Variants in MAPK10 observed in about 807,000 individuals in gnomAD.
MAPK10 encodes the protein mitogen-activated protein kinase 10.
A neutral mutation model predicts 59.3 loss-of-function variants in MAPK10; 25 were observed. The observed-to-expected ratio is 0.42, with a 90% CI of 0.31 to 0.59. The LOEUF is 0.59. MAPK10 is among the 20% of genes least tolerant of loss of function. The probability of loss-of-function intolerance (pLI) is 0.15; values close to 1 mark genes in which losing one functional copy is unlikely to be tolerated. For synonymous variants in MAPK10, 190 were observed against 200.5 expected, an observed-to-expected ratio of 0.95 and a Z score of 0.44; for missense variants, 351 against 568.9, an observed-to-expected ratio of 0.62 and a Z score of 3.90.
chr4:86,373,731 T>C (rs1335518829), intron 1 of MAPK10, among the ~76,000 whole-genome samples: 1 of 152,048 alleles, frequency 6.6e-6, no homozygotes, highest in African/African-American at 2.4e-5. Flanking sequence ...GTTAGAATGG[T>C]GATCATGAGA....
At chr4:86,393,464 C>T (rs1197483690) in intron 1 of MAPK10, among the ~76,000 whole-genome samples, 3 of 151,854 alleles carry the variant, frequency 2.0e-5, no homozygotes, top group African/African-American at 7.3e-5. Flanking sequence ...TTCATGTTTA[C>T]TTGTAACTCA....
At chr4:86,552,515 AAGGAAGGAAGG>A (rs1759924492) in intron 1 of MAPK10, among the ~76,000 whole-genome samples, 3 of 108,836 alleles carry the variant, frequency 2.8e-5, no homozygotes, top group African/African-American at 7.1e-5. Flanking sequence ...GGAAGGAAGG[AAGGAAGGAAGG>A]AAGGAAGGAA....
chr4:86,470,295 A>C (rs1156951889), intron 1 of MAPK10, among the ~76,000 whole-genome samples: 1 of 152,176 alleles, frequency 6.6e-6, no homozygotes, highest in Non-Finnish European at 1.5e-5. Flanking sequence ...TGAAACATGA[A>C]GTTGATGTCA....
At chr4:86,251,145 TTTTTATTTTATTTTA>T (rs71657510) in intron 2 of MAPK10, among the ~76,000 whole-genome samples, 49,296 of 151,148 alleles carry the variant, frequency 0.33, 10,933 homozygotes, top group African/African-American at 0.63. Flanking sequence ...TAGAACATCG[TTTTTATTTTATTTTA>T]TTTTATTTTA....
At chr4:86,259,115 C>G (rs528849655) in intron 2 of MAPK10, among the ~76,000 whole-genome samples, 1 of 152,176 alleles carries the variant, frequency 6.6e-6, no homozygotes, top group South Asian at 2.1e-4. Context: ...CTTTCTCAGT[C>G]TCCTTTGCAA....
At chr4:86,284,623 C>T (rs1322710962) in intron 2 of MAPK10, among the ~76,000 whole-genome samples, 1 of 152,198 alleles carries the variant, frequency 6.6e-6, no homozygotes, top group Non-Finnish European at 1.5e-5. Flanking sequence ...TAAACAAGAT[C>T]TAAAGTGAAA....
rs1001328755 is a variant in MAPK10, at chr4:86,344,992, C to A, written c.-7+9538G>T. ...AAATTGATATAGTCAGTTTGGCTGG[C>A]TATGCATAAACTATCTTCCTTATGT... On this transcript the variant is annotated intron_variant, in intron 2 of 13. Coordinates refer to ENST00000641462, the MANE Select transcript of MAPK10 (RefSeq NM_138982.4). Among the ~76,000 whole-genome samples the A allele has an allele frequency of 2.6e-5, 4 of 152,218 alleles. No homozygotes were observed. In the South Asian group the frequency reaches 6.2e-4, roughly 24 times the overall value.
chr4:86,295,302 T>C (rs1369695856), intron 2 of MAPK10, among the ~76,000 whole-genome samples: 2 of 152,158 alleles, frequency 1.3e-5, no homozygotes, highest in Non-Finnish European at 2.9e-5. Flanking sequence ...CTCAGGGGTA[T>C]ACTCAAATGT....
chr4:86,515,651 T>C (rs968560890), intron 1 of MAPK10, among the ~76,000 whole-genome samples: 1 of 152,222 alleles, frequency 6.6e-6, no homozygotes, highest in African/African-American at 2.4e-5. Context: ...GAATTGTCTA[T>C]TCATGTTCTT....
At chr4:86,524,577 A>G (rs1051482783) in intron 1 of MAPK10, among the ~76,000 whole-genome samples, 2 of 152,150 alleles carry the variant, frequency 1.3e-5, no homozygotes, top group Non-Finnish European at 2.9e-5. Context: ...CATTAACACC[A>G]TACTAGGGTT....
chr4:86,424,657 C>G (rs531283314), intron 1 of MAPK10, among the ~76,000 whole-genome samples: 1 of 152,116 alleles, frequency 6.6e-6, no homozygotes, highest in Non-Finnish European at 1.5e-5. Flanking sequence ...GTCTCCTTCA[C>G]AAGCCCACCC....
At chr4:86,328,060 G>C (rs1310777864) in intron 2 of MAPK10, among the ~76,000 whole-genome samples, 1 of 152,092 alleles carries the variant, frequency 6.6e-6, no homozygotes, top group South Asian at 2.1e-4. Flanking sequence ...GTATTAAAAG[G>C]TGGGTCCTTG....
At chr4:86,237,575 G>T (rs974501596) in intron 2 of MAPK10, among the ~76,000 whole-genome samples, 7 of 152,108 alleles carry the variant, frequency 4.6e-5, no homozygotes, top group African/African-American at 1.7e-4. Context: ...GTATCTCATT[G>T]TGGTTTTGAA....
chr4:86,174,646 C>T (rs11941923), intron 3 of MAPK10, among the ~76,000 whole-genome samples: 12,874 of 152,152 alleles, frequency 0.085, 1,199 homozygotes, highest in African/African-American at 0.23. Flanking sequence ...GCCTCCTCAA[C>T]ACTTCTCTTT....
chr4:86,081,951 T>C (rs570530904), intron 9 of MAPK10: 1 of 152,178 alleles, frequency 6.6e-6, no homozygotes, highest in East Asian at 1.9e-4. Context: ...TTATAGATAC[T>C]CATAGACTGA....
At chr4:86,189,049 G>C (rs951859382) in intron 3 of MAPK10, among the ~76,000 whole-genome samples, 4 of 152,134 alleles carry the variant, frequency 2.6e-5, no homozygotes, top group African/African-American at 9.7e-5. Flanking sequence ...AGATCAGATG[G>C]TTGTAGATTT....
intron 1 of MAPK10, among the ~76,000 whole-genome samples, chr4:86,487,035 T>C (rs1018407106): frequency 6.6e-6 from 1 of 152,110 alleles, no homozygotes; most frequent in Non-Finnish European, 1.5e-5. Flanking sequence ...ATCAGTGTCA[T>C]GAAAGATACG....
chr4:86,369,897 G>A (rs7695670), intron 1 of MAPK10, among the ~76,000 whole-genome samples: 28 of 152,198 alleles, frequency 1.8e-4, no homozygotes, highest in African/African-American at 6.7e-4. Flanking sequence ...TCCCAATTTA[G>A]GCACTGTCAT....
chr4:86,517,745 C>T (rs1395035299), intron 1 of MAPK10, among the ~76,000 whole-genome samples: 1 of 151,962 alleles, frequency 6.6e-6, no homozygotes, highest in Non-Finnish European at 1.5e-5. Flanking sequence ...GGGAGGATTG[C>T]CTCTATCTGT....
Sources: allele counts gnomAD v4.1 joint callset (sites outside exome capture counted in the v4.1 genomes callset), GRCh38; gene constraint gnomAD v4.1.1; transcripts MANE v1.5; gene names NCBI Gene and HGNC (gene_info 2026-07-23, HGNC 2026-07-21).